Variants in EYS observed in about 807,000 individuals in gnomAD.
The protein encoded by EYS is EGF-like photoreceptor maintenance factor.
Under a neutral mutation model 282.1 loss-of-function variants are expected in EYS, and 250 were observed. The ratio of observed to expected loss-of-function variants is 0.89; its 90% CI spans 0.80 to 0.98. The LOEUF (loss-of-function observed/expected upper bound fraction) is 0.98. EYS is among the 50% of genes least tolerant of loss of function. EYS has a pLI of 0.00. For missense variants in EYS, 4,016 were observed against 3,709.0 expected (o/e 1.08, Z -2.15); for synonymous variants, 1,355 against 1,282.9 (o/e 1.06, Z -1.20).
chr6:64,033,278 C>T (rs1220195570), intron 33 of EYS, among the ~76,000 whole-genome samples: 3 of 152,284 alleles, frequency 2.0e-5, no homozygotes, highest in South Asian at 4.1e-4. Context: ...ACCTACTCAT[C>T]GTAAGTCTAC....
intron 32 of EYS, among the ~76,000 whole-genome samples, chr6:64,081,474 A>G (rs1303636803): frequency 6.6e-6 from 1 of 152,330 alleles, no homozygotes; most frequent in Admixed American, 6.5e-5. Context: ...TGATTGTCAA[A>G]TGAACCCCAG....
intron 26 of EYS, among the ~76,000 whole-genome samples, chr6:64,479,245 T>C (rs1050768160): frequency 2.0e-5 from 3 of 151,976 alleles, no homozygotes; most frequent in African/African-American, 7.2e-5. Context: ...AAAAACCTGT[T>C]AACCAACCTC....
At chr6:64,794,051 G>A (rs910066359) in intron 22 of EYS, among the ~76,000 whole-genome samples, 1 of 152,070 alleles carries the variant, frequency 6.6e-6, no homozygotes, top group Non-Finnish European at 1.5e-5. Flanking sequence ...GTTTCTACAA[G>A]TTTGACTGTT....
intron 15 of EYS, among the ~76,000 whole-genome samples, chr6:64,913,549 G>A (rs1768067771): frequency 6.6e-6 from 1 of 152,048 alleles, no homozygotes; most frequent in South Asian, 2.1e-4. Flanking sequence ...AAGGATAATA[G>A]CCTCTAGCTG....
At chr6:64,609,636 C>A (rs1767045824) in intron 24 of EYS, among the ~76,000 whole-genome samples, 1 of 150,058 alleles carries the variant, frequency 6.7e-6, no homozygotes. Context: ...ATAATCCCAG[C>A]ATTTTGGGAG....
intron 31 of EYS, among the ~76,000 whole-genome samples, chr6:64,128,209 C>T (rs1411397726): frequency 1.3e-5 from 2 of 152,082 alleles, no homozygotes; most frequent in East Asian, 3.9e-4. Flanking sequence ...TTTTTAGCTC[C>T]TTTGGATGTT....
chr6:65,633,573 G>A (rs913311812), intron 2 of EYS, among the ~76,000 whole-genome samples: 2 of 152,150 alleles, frequency 1.3e-5, no homozygotes, highest in African/African-American at 4.8e-5. Flanking sequence ...GTTCACACTG[G>A]TATTAAGTGG....
chr6:64,933,989 A>T (rs2150088754), intron 15 of EYS, among the ~76,000 whole-genome samples: 1 of 152,046 alleles, frequency 6.6e-6, no homozygotes, highest in Admixed American at 6.6e-5. Context: ...TCAGGGGGAT[A>T]GTGGAGGGAT....
rs114543915 is a variant in EYS at position 65,462,931 on chromosome 6, T to C, written c.862+27663A>G. On this transcript the variant is annotated intron_variant, in intron 5 of 42. Transcript: ENST00000503581. Reference sequence around the variant, plus strand: ...TCAATAATCAAGCTTGTTCTCTTGATTTCCAAGGTATTCAAAATAATATTA... The same window carrying C: ...TCAATAATCAAGCTTGTTCTCTTGACTTCCAAGGTATTCAAAATAATATTA... 5.6e-4 allele frequency among the ~76,000 whole-genome samples: 86 copies of C among 152,262 alleles called. 1 individual carries two copies. Among genetic ancestry groups the C allele is most frequent in the Middle Eastern group, 3.4e-3 (1 of 294 alleles).
At chr6:64,627,422 T>A (rs983731307) in intron 22 of EYS, among the ~76,000 whole-genome samples, 1 of 152,188 alleles carries the variant, frequency 6.6e-6, no homozygotes, top group Non-Finnish European at 1.5e-5. Context: ...GTGATGCTGA[T>A]GAAAAAGGAT....
At chr6:65,703,114 C>T (rs1054449356) in intron 1 of EYS, among the ~76,000 whole-genome samples, 12 of 152,226 alleles carry the variant, frequency 7.9e-5, no homozygotes, top group Admixed American at 1.3e-4. Flanking sequence ...CAGCAGCTGG[C>T]CATGCAAATA....
At chr6:65,280,865 A>ATATAT (rs35574788) in intron 12 of EYS, among the ~76,000 whole-genome samples, 2 of 135,936 alleles carry the variant, frequency 1.5e-5, no homozygotes, top group African/African-American at 2.7e-5. Flanking sequence ...TAAAAAAAAA[A>ATATAT]ATATATATAT....
At chr6:65,337,643 A>G (rs1425689170) in intron 10 of EYS, among the ~76,000 whole-genome samples, 1 of 151,000 alleles carries the variant, frequency 6.6e-6, no homozygotes, top group East Asian at 2.0e-4. Flanking sequence ...AAAAGTTACC[A>G]AAGTTAGAAA....
At chr6:65,416,500 A>T (rs1767242393) in intron 5 of EYS, among the ~76,000 whole-genome samples, 1 of 152,002 alleles carries the variant, frequency 6.6e-6, no homozygotes, top group African/African-American at 2.4e-5. Context: ...AAAATTATCT[A>T]AGTAATTTTT....
intron 2 of EYS, among the ~76,000 whole-genome samples, chr6:65,553,870 A>G (rs1444524191): frequency 6.6e-6 from 1 of 152,134 alleles, no homozygotes; most frequent in Non-Finnish European, 1.5e-5. Flanking sequence ...TAATCAAAAT[A>G]TATAAAATAT....
chr6:65,384,030 T>C (rs1765712737), intron 8 of EYS, among the ~76,000 whole-genome samples: 1 of 151,888 alleles, frequency 6.6e-6, no homozygotes, highest in African/African-American at 2.4e-5. Flanking sequence ...TAAAAAAGCA[T>C]ATTTTGTGGA....
rs141888178 is a variant in EYS, at chr6:64,980,009, T to C, written c.2259+17573A>G. ...CTACCAAACTCTTTGTTCCAGGTGATGGTGTATAATAGAATCTCCTTCCAG... is the reference window on the plus strand; with the variant it reads ...CTACCAAACTCTTTGTTCCAGGTGACGGTGTATAATAGAATCTCCTTCCAG... On this transcript the variant is annotated intron_variant, in intron 14 of 42. Transcript: ENST00000503581. Among the ~76,000 whole-genome samples, 1,449 of 151,704 alleles carry C rather than the reference T, an allele frequency of 9.6e-3. 19 individuals carry two copies. The highest frequency in any genetic ancestry group is 0.034 in the African/African-American group (1,391 of 41,490).
At chr6:65,635,545 T>C (rs1269307855) in intron 2 of EYS, among the ~76,000 whole-genome samples, 1 of 152,086 alleles carries the variant, frequency 6.6e-6, no homozygotes, top group African/African-American at 2.4e-5. Flanking sequence ...AACTCCTGGA[T>C]TCAAGCAATC....
At chr6:63,877,403 T>A (rs1773005449) in intron 35 of EYS, among the ~76,000 whole-genome samples, 1 of 152,174 alleles carries the variant, frequency 6.6e-6, no homozygotes, top group South Asian at 2.1e-4. Context: ...GCCCTTAATG[T>A]TTTTTTCCTT....
Sources: gnomAD v4.1 joint callset for allele counts (sites outside exome capture counted in the v4.1 genomes callset) on GRCh38, gnomAD v4.1.1 for gene constraint, MANE v1.5 for transcripts, NCBI Gene and HGNC (gene_info 2026-07-23, HGNC 2026-07-21) for gene names.